ACOXL: variants seen among roughly 807,000 people sequenced by gnomAD.
The protein encoded by ACOXL is acyl-coenzyme A oxidase-like protein.
Under a neutral mutation model 71.9 loss-of-function variants are expected in ACOXL, and 70 were observed. The ratio of observed to expected loss-of-function variants is 0.97; its 90% CI spans 0.80 to 1.19. The LOEUF (loss-of-function observed/expected upper bound fraction) is 1.19, where lower values mean the gene tolerates loss of function less well. Ranked by LOEUF, ACOXL falls within the 50% of genes most tolerant of loss-of-function variation. ACOXL has a pLI of 0.00. For missense variants in ACOXL, 703 were observed against 736.3 expected, an observed-to-expected ratio of 0.95 and a Z score of 0.52; for synonymous variants, 253 against 281.6, an observed-to-expected ratio of 0.90 and a Z score of 1.02.
intron 10 of ACOXL, among the ~76,000 whole-genome samples, chr2:110,905,581 A>T (rs1034117289): frequency 3.9e-5 from 6 of 152,222 alleles, no homozygotes; most frequent in African/African-American, 1.4e-4. Flanking sequence ...ACAAATTAGG[A>T]TGCTGATGCC....
chr2:110,804,413 C>T lies in ACOXL; in HGVS notation c.621-850C>T, dbSNP rs72942187. On this transcript the variant is annotated intron_variant, in intron 8 of 17. Transcript: ENST00000439055. ...GCACCAACTAGGAAATCAGTTTGGC[C>T]GTTCCTCAAAAGTGTAAAGTTATCA... 1.6e-3 allele frequency among the ~76,000 whole-genome samples: 240 copies of T among 152,206 alleles called. 3 individuals are homozygous for T. The highest frequency in any genetic ancestry group is 5.4e-3 in the African/African-American group (224 of 41,510).
intron 13 of ACOXL, among the ~76,000 whole-genome samples, chr2:110,990,763 A>G (rs1008847705): frequency 6.6e-6 from 1 of 152,212 alleles, no homozygotes; most frequent in Non-Finnish European, 1.5e-5. Flanking sequence ...AAACGATCAT[A>G]TATTTCTTCT....
Position 110,908,819 on chromosome 2 carries a change from A to G in ACOXL, c.819A>G (p.Glu273=), listed in dbSNP as rs1161862113. 1.2e-6 allele frequency: 2 copies of G among 1,614,160 alleles called. No homozygotes were observed. Among genetic ancestry groups the G allele is most frequent in the Non-Finnish European group, 1.7e-6 (2 of 1,179,990 alleles). ...GGCAGTTTGGGCCCAAAACCAAGGA[A>G]GAGGTGAAGATCATTGAGCACCAAA... ...SRRQFGPKTK[E]EVKIIEHQTQ... is the part of the protein sequence containing the mutation. The change falls in exon 11 of 18, where the codon GAA becomes GAG. Residue 273 remains glutamate (E), a synonymous_variant. Transcript: ENST00000439055.
intron 12 of ACOXL, among the ~76,000 whole-genome samples, chr2:110,953,331 C>CATATATATAT (rs34907551): frequency 1.3e-5 from 2 of 148,972 alleles, no homozygotes; most frequent in East Asian, 3.9e-4. Flanking sequence ...TACTTTTATA[C>CATATATATAT]ATATATATAT....
Position 111,117,797 on chromosome 2 carries a change from A to G in ACOXL, c.1724A>G (p.Lys575Arg), listed in dbSNP as rs574186205. ...PREEARSRRPKLGAKL is the reference protein window; with the variant it reads ...PREEARSRRPRLGAKL ...GAAGAGGCGCGCTCCCGGCGGCCCA[A>G]GCTGGGAGCCAAGCTCTAACGGGTG... Residue 575 changes from lysine (K) to arginine (R), a missense_variant, in exon 18 of 18, where the codon AAG becomes AGG. Coordinates refer to ENST00000439055, the MANE Select transcript of ACOXL (RefSeq NM_001142807.4). 2.1e-4 allele frequency: 326 copies of G among 1,549,910 alleles called. No individual in the cohort carries two copies. In the African/African-American group the frequency reaches 3.4e-3, roughly 16 times the overall value.
chr2:110,986,897 G>A (rs2062957931), intron 12 of ACOXL, among the ~76,000 whole-genome samples: 2 of 152,244 alleles, frequency 1.3e-5, no homozygotes, highest in Admixed American at 6.5e-5. Context: ...AGTAGTTAAT[G>A]AAGTTGGCCA....
intron 17 of ACOXL, among the ~76,000 whole-genome samples, chr2:111,101,620 C>G (rs2069166921): frequency 6.6e-6 from 1 of 151,428 alleles, no homozygotes; most frequent in South Asian, 2.1e-4. Context: ...ACCTCCTACC[C>G]ATAGACTTCT....
intron 12 of ACOXL, among the ~76,000 whole-genome samples, chr2:110,965,965 C>T (rs2061909084): frequency 6.6e-6 from 1 of 152,148 alleles, no homozygotes; most frequent in Non-Finnish European, 1.5e-5. Context: ...AAGATGGTGG[C>T]CTGATGACAG....
intron 10 of ACOXL, among the ~76,000 whole-genome samples, chr2:110,884,925 C>G (rs1697100334): frequency 6.6e-6 from 1 of 152,042 alleles, no homozygotes; most frequent in Non-Finnish European, 1.5e-5. Context: ...TTAAAAATGT[C>G]TCCTTTATCT....
At chr2:111,063,169 C>G (rs1182871787) in intron 16 of ACOXL, among the ~76,000 whole-genome samples, 1 of 152,034 alleles carries the variant, frequency 6.6e-6, no homozygotes, top group Non-Finnish European at 1.5e-5. Context: ...AAAGAAAATT[C>G]CAGGCCCAGA....
At chr2:110,900,381 T>A (rs529605200) in intron 10 of ACOXL, among the ~76,000 whole-genome samples, 4 of 152,166 alleles carry the variant, frequency 2.6e-5, no homozygotes, top group African/African-American at 9.7e-5. Context: ...ACTCCAGAGT[T>A]AATGGTAATG....
At chr2:111,004,640 C>T (rs777868943) in intron 14 of ACOXL, among the ~76,000 whole-genome samples, 3 of 152,014 alleles carry the variant, frequency 2.0e-5, no homozygotes, top group Non-Finnish European at 2.9e-5. Context: ...TGCATGATTT[C>T]GACATCAGTG....
At chr2:110,921,682 C>T (rs879322558) in intron 11 of ACOXL, among the ~76,000 whole-genome samples, 33 of 151,772 alleles carry the variant, frequency 2.2e-4, no homozygotes, top group East Asian at 7.8e-4. Flanking sequence ...CATGAGCCAC[C>T]GCGCCTGGCC....
At chr2:110,846,740 A>C (rs1476748363) in intron 10 of ACOXL, among the ~76,000 whole-genome samples, 1 of 151,006 alleles carries the variant, frequency 6.6e-6, no homozygotes, top group Non-Finnish European at 1.5e-5. Context: ...CTCTTGCTAG[A>C]CCAGTTATTC....
chr2:110,932,891 G>T (rs534321249), intron 11 of ACOXL, among the ~76,000 whole-genome samples: 1 of 152,184 alleles, frequency 6.6e-6, no homozygotes, highest in Non-Finnish European at 1.5e-5. Context: ...TGCACGTATG[G>T]TCATGGTGCA....
intron 10 of ACOXL, among the ~76,000 whole-genome samples, chr2:110,903,209 G>T (rs2059308467): frequency 6.6e-6 from 1 of 152,254 alleles, no homozygotes; most frequent in Non-Finnish European, 1.5e-5. Context: ...TTTGGGAGAA[G>T]AGACCAGAGG....
intron 12 of ACOXL, among the ~76,000 whole-genome samples, chr2:110,941,862 T>C (rs566995320): frequency 1.3e-5 from 2 of 152,226 alleles, no homozygotes; most frequent in Admixed American, 6.5e-5. Flanking sequence ...GATAGAAATA[T>C]AGATTTATAC....
chr2:110,997,088 C>G (rs1182937100), intron 14 of ACOXL, among the ~76,000 whole-genome samples: 4 of 152,064 alleles, frequency 2.6e-5, no homozygotes, highest in Non-Finnish European at 5.9e-5. Context: ...TGGATATATC[C>G]AAAAGGAAAA....
chr2:110,734,894 C>CT (rs57624804), intron 1 of ACOXL, among the ~76,000 whole-genome samples: 152,187 of 152,222 alleles, frequency 1, 76,076 homozygotes, highest in Middle Eastern at 1. Context: ...CCCTTATTGA[C>CT]TTACATTTGT....
Sources: allele counts gnomAD v4.1 joint callset (sites outside exome capture counted in the v4.1 genomes callset), GRCh38; gene constraint gnomAD v4.1.1; transcripts MANE v1.5; gene names NCBI Gene and HGNC (gene_info 2026-07-23, HGNC 2026-07-21).